Variants in SHISA9 observed in about 807,000 individuals in gnomAD.
The protein encoded by SHISA9 is protein shisa-9.
SHISA9 carries 13 observed loss-of-function variants against 38.0 expected under a neutral mutation model. That is an observed-to-expected ratio of 0.34 (90% CI 0.22 to 0.54). The LOEUF (loss-of-function observed/expected upper bound fraction) is 0.54, where lower values mean the gene tolerates loss of function less well. Ranked by LOEUF, SHISA9 falls within the 20% of genes least tolerant of loss-of-function variation. The probability of loss-of-function intolerance (pLI) is 0.91; values close to 1 mark genes in which losing one functional copy is unlikely to be tolerated. For synonymous variants in SHISA9, 275 were observed against 242.0 expected (o/e 1.14, Z -1.27); for missense variants, 538 against 575.8 (o/e 0.93, Z 0.67).
At chr16:12,947,055 C>A (rs537148216) in intron 2 of SHISA9, among the ~76,000 whole-genome samples, 4 of 151,878 alleles carry the variant, frequency 2.6e-5, no homozygotes, top group Non-Finnish European at 5.9e-5. Flanking sequence ...AGCATTTGGT[C>A]GAGGGGAATA....
At chr16:13,433,627 G>C in the SHISA9 span, among the ~76,000 whole-genome samples, 4 of 152,186 alleles carry the variant, frequency 2.6e-5, no homozygotes, top group Non-Finnish European at 4.4e-5. Flanking sequence ...ACCACCACAT[G>C]TCACTGCATA....
intron 2 of SHISA9, among the ~76,000 whole-genome samples, chr16:12,975,658 G>T (rs1173822138): frequency 2.0e-5 from 3 of 147,720 alleles, no homozygotes; most frequent in African/African-American, 7.5e-5. Flanking sequence ...GACGGGGGCG[G>T]GGGGGGTAAG....
At chr16:13,543,423 A>G in the SHISA9 span, among the ~76,000 whole-genome samples, 1 of 152,206 alleles carries the variant, frequency 6.6e-6, no homozygotes, top group African/African-American at 2.4e-5. Flanking sequence ...GCACAAAACT[A>G]TGATGTCAGT....
At chr16:13,109,776 T>G (rs2073960049) in intron 2 of SHISA9, among the ~76,000 whole-genome samples, 1 of 152,224 alleles carries the variant, frequency 6.6e-6, no homozygotes. Flanking sequence ...GTATGTGATC[T>G]TCTATGTCTG....
the SHISA9 span, among the ~76,000 whole-genome samples, chr16:13,547,198 C>G: frequency 1.3e-5 from 2 of 151,880 alleles, no homozygotes; most frequent in African/African-American, 4.8e-5. Context: ...TGGTGAATGC[C>G]AGTAATGGAA....
chr16:13,272,077 T>TAA, the SHISA9 span, among the ~76,000 whole-genome samples: 2 of 117,494 alleles, frequency 1.7e-5, no homozygotes, highest in African/African-American at 3.0e-5. Context: ...ATCTCAAAAT[T>TAA]AAAAAAAAAA....
At chr16:13,442,096 G>C in the SHISA9 span, among the ~76,000 whole-genome samples, 1 of 152,246 alleles carries the variant, frequency 6.6e-6, no homozygotes, top group Non-Finnish European at 1.5e-5. Flanking sequence ...TAGCTTCCAA[G>C]TGGGAGCACA....
chr16:12,968,690 G>A (rs1207860055), intron 2 of SHISA9, among the ~76,000 whole-genome samples: 2 of 152,192 alleles, frequency 1.3e-5, no homozygotes, highest in Non-Finnish European at 2.9e-5. Flanking sequence ...TTTATGGAAA[G>A]TTCTGGAAAA....
At chr16:12,998,901 C>T (rs1406825986) in intron 2 of SHISA9, among the ~76,000 whole-genome samples, 1 of 152,166 alleles carries the variant, frequency 6.6e-6, no homozygotes, top group Non-Finnish European at 1.5e-5. Context: ...TCACCACAAA[C>T]ACTGAATTAG....
rs190611735 is a variant in SHISA9, at chr16:13,201,215, G to T, written c.692-2179G>T. On this transcript the variant is annotated intron_variant, in intron 2 of 4. Coordinates refer to ENST00000558583, the MANE Select transcript of SHISA9 (RefSeq NM_001145204.3). ...CACCCATTTATGTAGTTGTCCCACG[G>T]TATCCATGGGGATTTGGTTTCAGGA... 3.0e-5 allele frequency among the ~76,000 whole-genome samples: 4 copies of T among 134,744 alleles called. 1 individual carries two copies. Among genetic ancestry groups the T allele is most frequent in the Admixed American group, 2.9e-4 (4 of 13,700 alleles). 88.4% of individuals were successfully genotyped at this position (134,744 alleles called of 152,430 possible).
the SHISA9 span, among the ~76,000 whole-genome samples, chr16:13,544,285 A>G: frequency 6.7e-6 from 1 of 148,790 alleles, no homozygotes; most frequent in Non-Finnish European, 1.5e-5. Flanking sequence ...TATATATCTT[A>G]TAGATAAGGA....
At chr16:12,977,131 T>C (rs2072173753) in intron 2 of SHISA9, among the ~76,000 whole-genome samples, 1 of 152,188 alleles carries the variant, frequency 6.6e-6, no homozygotes, top group Non-Finnish European at 1.5e-5. Flanking sequence ...TGTGACTCAC[T>C]GCAGTCTCTT....
chr16:13,303,779 G>C, the SHISA9 span, among the ~76,000 whole-genome samples: 1 of 152,040 alleles, frequency 6.6e-6, no homozygotes, highest in Non-Finnish European at 1.5e-5. Context: ...AAAAGGAATG[G>C]GAATAATTAC....
chr16:13,074,312 T>C (rs2073555400), intron 2 of SHISA9, among the ~76,000 whole-genome samples: 1 of 152,092 alleles, frequency 6.6e-6, no homozygotes, highest in Admixed American at 6.5e-5. Flanking sequence ...AAATTTGTTA[T>C]GGTTGCCACA....
the SHISA9 span, among the ~76,000 whole-genome samples, chr16:13,327,831 A>T: frequency 1.3e-5 from 2 of 151,300 alleles, no homozygotes; most frequent in Non-Finnish European, 2.9e-5. Flanking sequence ...TAATTTTTGT[A>T]TTTTTTTAGT....
intron 2 of SHISA9, among the ~76,000 whole-genome samples, chr16:12,974,123 G>C (rs2072122633): frequency 6.6e-6 from 1 of 152,130 alleles, no homozygotes. Flanking sequence ...AAAGGGACCA[G>C]GGAGTTCCAA....
At chr16:13,423,638 C>A in the SHISA9 span, among the ~76,000 whole-genome samples, 1 of 152,146 alleles carries the variant, frequency 6.6e-6, no homozygotes, top group Non-Finnish European at 1.5e-5. Context: ...AACACCCACT[C>A]ACAGTTCTAT....
intron 2 of SHISA9, among the ~76,000 whole-genome samples, chr16:12,994,059 G>A (rs1403451955): frequency 6.6e-5 from 10 of 152,192 alleles, no homozygotes; most frequent in Non-Finnish European, 1.0e-4. Context: ...GAGATAAGGG[G>A]AAGCTTGTGT....
intron 2 of SHISA9, among the ~76,000 whole-genome samples, chr16:13,183,278 T>C (rs1223340608): frequency 6.6e-6 from 1 of 152,128 alleles, no homozygotes; most frequent in African/African-American, 2.4e-5. Flanking sequence ...ATTGTGATGG[T>C]CATCTTCAGA....
Sources: gnomAD v4.1 joint callset for allele counts (sites outside exome capture counted in the v4.1 genomes callset) on GRCh38, gnomAD v4.1.1 for gene constraint, MANE v1.5 for transcripts, NCBI Gene and HGNC (gene_info 2026-07-23, HGNC 2026-07-21) for gene names.